The following NLRP12 variants were observed in gnomAD, a reference collection of about 807,000 sequenced individuals.
NLRP12 encodes NLR family pyrin domain containing 12, also known as NACHT, LRR and PYD domains-containing protein 12.
NLRP12 carries 108 observed loss-of-function variants against 91.2 expected under a neutral mutation model. That is an observed-to-expected ratio of 1.18 (90% CI 1.01 to 1.39). The LOEUF (loss-of-function observed/expected upper bound fraction) is 1.39. Among genes scored for constraint, NLRP12 ranks in the 40% most tolerant of loss-of-function variants. NLRP12 has a pLI of 0.00. For synonymous variants in NLRP12, 613 were observed against 566.7 expected, an observed-to-expected ratio of 1.08 and a Z score of -1.16; for missense variants, 1,530 against 1,352.7, an observed-to-expected ratio of 1.13 and a Z score of -2.06.
chr19:53,805,834 A>G (rs1275828610), intron 4 of NLRP12: 1 of 292,334 alleles, frequency 3.4e-6, no homozygotes, highest in Admixed American at 5.0e-5. Context: ...TTTATTTCAA[A>G]ATATCATGTT....
At chr19:53,804,401 GT>G (rs71189877) in intron 5 of NLRP12, among the ~76,000 whole-genome samples, 12,539 of 71,518 alleles carry the variant, frequency 0.18, 572 homozygotes, top group East Asian at 0.28. Flanking sequence ...GGGTTTTTTT[GT>G]TTTTTTTTTT....
chr19:53,810,055 G>T lies in NLRP12; in HGVS notation c.1604C>A (p.Ala535Glu). The T allele has an allele frequency of 6.2e-7, 1 of 1,614,116 alleles. No homozygotes were observed. Among genetic ancestry groups the T allele is most frequent in the South Asian group, 1.1e-5 (1 of 91,084 alleles). ...CCTGGTCACGTCCTGGTCTGGGCCTGCCCCGCCCTCCCCCTCGTCCAGGAT... is the reference window on the plus strand; with the variant it reads ...CCTGGTCACGTCCTGGTCTGGGCCTTCCCCGCCCTCCCCCTCGTCCAGGAT... ...YYILDEGEGGAGPDQDVTRLL... is the reference protein window; with the variant it reads ...YYILDEGEGGEGPDQDVTRLL... Residue 535 changes from alanine to glutamate, a missense_variant, in exon 3 of 10, where the codon GCA (alanine) becomes GAA (glutamate). By Grantham distance (107) the Ala-to-Glu change is moderately radical (BLOSUM62 -1). Coordinates refer to ENST00000324134, the MANE Select transcript of NLRP12 (RefSeq NM_144687.4).
At chr19:53,809,546 C>T (rs779943478) in intron 3 of NLRP12, 41 bp downstream of exon 3, 2 of 1,030,160 alleles carry the variant, frequency 1.9e-6, no homozygotes, top group Non-Finnish European at 2.8e-6. Flanking sequence ...AAAAAACACA[C>T]GAACCTAAGC....
At chr19:53,820,691 A>T (rs866761098) in intron 1 of NLRP12, among the ~76,000 whole-genome samples, 3,301 of 139,960 alleles carry the variant, frequency 0.024, 111 homozygotes, top group African/African-American at 0.08. Flanking sequence ...AAAATAAATT[A>T]TTTTTTTTTT....
intron 2 of NLRP12, among the ~76,000 whole-genome samples, chr19:53,814,174 G>A (rs2092122412): frequency 6.6e-6 from 1 of 152,106 alleles, no homozygotes; most frequent in African/African-American, 2.4e-5. Context: ...AGTGAGTGGT[G>A]AATCCTGCCC....
intron 1 of NLRP12, among the ~76,000 whole-genome samples, chr19:53,817,030 G>A (rs964767024): frequency 8.6e-5 from 13 of 151,096 alleles, no homozygotes; most frequent in Non-Finnish European, 1.3e-4. Flanking sequence ...GGTGGCTCAC[G>A]CCTGTAATCC....
chr19:53,800,530 G>C (rs1323306826), intron 7 of NLRP12, among the ~76,000 whole-genome samples: 2 of 151,994 alleles, frequency 1.3e-5, no homozygotes, highest in African/African-American at 2.4e-5. Context: ...AGAGCAGAAG[G>C]CATGCCAGGG....
rs1169308764 is a variant in NLRP12 at position 53,809,891 on chromosome 19, C to G, written c.1768G>C (p.Asp590His). The G allele has an allele frequency of 6.2e-7, 1 of 1,614,054 alleles. No homozygotes were observed. The highest frequency in any genetic ancestry group is 1.7e-5 in the Admixed American group (1 of 59,996). Reference sequence around the variant, plus strand: ...TTGCTTTGGATCCACTGCAACAGGTCCATCTTGATGTGCGGCGAGACCTTC... The same window carrying G: ...TTGCTTTGGATCCACTGCAACAGGTGCATCTTGATGTGCGGCGAGACCTTC... ...CWKVSPHIKM[D>H]LLQWIQSKAQ... The change falls in exon 3 of 10, where the codon GAC (aspartate) becomes CAC (histidine). Residue 590 changes from aspartate (D) to histidine (H), a missense_variant. Physicochemically the swap from Asp to His is moderately conservative, Grantham distance 81. Coordinates refer to ENST00000324134, the MANE Select transcript of NLRP12 (RefSeq NM_144687.4).
chr19:53,812,563 G>A (rs1451576853), intron 2 of NLRP12, among the ~76,000 whole-genome samples: 1 of 152,068 alleles, frequency 6.6e-6, no homozygotes, highest in Admixed American at 6.6e-5. Context: ...GGCCAGAGGT[G>A]CTGCTCAACA....
Position 53,819,600 on chromosome 19 carries a change from C to CAT in NLRP12, c.289+4284_289+4285dup, listed in dbSNP as rs1316077402. 1.6e-4 allele frequency among the ~76,000 whole-genome samples: 4 copies of CAT among 25,654 alleles called. 1 individual carries two copies. In the East Asian group the frequency reaches 5.1e-3, roughly 32 times the overall value. 16.8% of individuals were successfully genotyped at this position (25,654 alleles called of 152,430 possible). A position where few individuals can be genotyped will look rare whatever the true frequency, so the allele number is the denominator to read the frequency against. On this transcript the variant is annotated intron_variant, in intron 1 of 9. Coordinates refer to ENST00000324134, the MANE Select transcript of NLRP12 (RefSeq NM_144687.4). The stretch of plus-strand genomic sequence containing the variant: ...ATATATGTATGTATACGTATATACG[C>CAT]ATATATATGTATGTATACGTATATA...
In NLRP12 at chr19:53,810,410, G is replaced by C. The variant is rs748207201; in HGVS notation, c.1249C>G (p.Gln417Glu). ...CTCAACAGCCCCCCACCCTCCAGCT[G>C]CTGCTGGAGGCAGGTACACACCACC... ...CWVVCTCLQQQLEGGGLLRQT... is the reference protein window; with the variant it reads ...CWVVCTCLQQELEGGGLLRQT... The change falls in exon 3 of 10, where the codon CAG (glutamine) becomes GAG (glutamate). Residue 417 changes from glutamine to glutamate, a missense_variant. By Grantham distance (29) the Gln-to-Glu change is conservative. Transcript: ENST00000324134. 3 of 1,613,860 alleles carry C rather than the reference G, an allele frequency of 1.9e-6. No individual in the cohort carries two copies. The South Asian group carries it at 3.3e-5, about 18-fold the overall frequency.
At chr19:53,795,154 C>T (rs2091730628) in intron 9 of NLRP12, among the ~76,000 whole-genome samples, 1 of 150,916 alleles carries the variant, frequency 6.6e-6, no homozygotes, top group African/African-American at 2.4e-5. Context: ...AGCAATTTTC[C>T]TAACTCAGCC....
At position 53,796,084 on chromosome 19, in the gene NLRP12, G is replaced by A. The variant is rs112413624; in HGVS notation, c.2928-55C>T. On this transcript the variant is annotated intron_variant, in intron 8 of 9. Transcript: ENST00000324134. ...ACACCAGGGGCTACTTATGTTATTC[G>A]GAGGCAGTGTCTCACCCTGTCTCCC... 1.6e-4 allele frequency: 251 copies of A among 1,540,540 alleles called. 2 individuals carry two copies. In the South Asian group the frequency reaches 2.5e-3, roughly 15 times the overall value.
intron 8 of NLRP12, among the ~76,000 whole-genome samples, chr19:53,797,425 AATT>A (rs770581909): frequency 6.9e-6 from 1 of 145,800 alleles, no homozygotes; most frequent in South Asian, 2.2e-4. Context: ...GCCCGGCCTG[AATT>A]ATTATTTTTG....
chr19:53,820,781 A>G (rs560895710), intron 1 of NLRP12, among the ~76,000 whole-genome samples: 6 of 146,334 alleles, frequency 4.1e-5, no homozygotes, highest in Non-Finnish European at 7.5e-5. Flanking sequence ...TCTGCCTCCC[A>G]GGTTCACGCC....
In NLRP12 at chr19:53,795,371, G is replaced by A. The variant is rs1296680210; in HGVS notation, c.3098+488C>T. ...TGAGCCACGATGGTCCCCTTCAACA[G>A]ACAAGGAAATTTTTTTTTTTTGAGA... On this transcript the variant is annotated intron_variant, in intron 9 of 9. Transcript: ENST00000324134. 2.4e-5 allele frequency among the ~76,000 whole-genome samples: 3 copies of A among 124,940 alleles called. No homozygotes were observed. The East Asian group carries it at 6.3e-4, about 26-fold the overall frequency. 82.0% of individuals were successfully genotyped at this position (124,940 alleles called of 152,430 possible). A position where few individuals can be genotyped will look rare whatever the true frequency, so the allele number is the denominator to read the frequency against.
rs1170752701 is a variant in NLRP12 at position 53,819,589 on chromosome 19, A to ATGTATATATATG, written c.289+4296_289+4297insCATATATATACA. Among the ~76,000 whole-genome samples, 67 of 57,552 alleles carry ATGTATATATATG rather than the reference A, an allele frequency of 1.2e-3. 5 individuals carry two copies. Among genetic ancestry groups the ATGTATATATATG allele is most frequent in the African/African-American group, 3.6e-3 (57 of 15,890 alleles). The allele number at this position is 57,552 out of a possible 152,430, so 37.8% of individuals were successfully genotyped here. On this transcript the variant is annotated intron_variant, in intron 1 of 9. Transcript: ENST00000324134. ...TATATATGCGTATATATGTATGTAT[A>ATGTATATATATG]CGTATATACGCATATATATGTATGT...
Position 53,824,148 on chromosome 19 carries a change from G to A in NLRP12, c.27C>T (p.Gly9=), listed in dbSNP as rs889400466. The stretch of plus-strand genomic sequence containing the variant: ...CCAAGTAGGTGGACAGGCGACAGAG[G>A]CCGTCCCTGCCTGCGGTTCGTAGCA... The part of the protein sequence containing the change: MLRTAGRD[G]LCRLSTYLEE... Residue 9 remains glycine (G), a synonymous_variant, in exon 1 of 10, where the codon GGC becomes GGT. Coordinates refer to ENST00000324134, the MANE Select transcript of NLRP12 (RefSeq NM_144687.4). The A allele has an allele frequency of 1.2e-6, 2 of 1,614,062 alleles. No homozygotes were observed. Among genetic ancestry groups the A allele is most frequent in the Admixed American group, 1.7e-5 (1 of 59,986 alleles).
chr19:53,819,275 G>A (rs1421456001), intron 1 of NLRP12, among the ~76,000 whole-genome samples: 1 of 149,748 alleles, frequency 6.7e-6, no homozygotes, highest in South Asian at 2.1e-4. Context: ...ATGGAGTCTC[G>A]CTTTTGTCAT....
Sources: gnomAD v4.1 joint callset for allele counts (sites outside exome capture counted in the v4.1 genomes callset) on GRCh38, gnomAD v4.1.1 for gene constraint, MANE v1.5 for transcripts, NCBI Gene and HGNC (gene_info 2026-07-23, HGNC 2026-07-21) for gene names.